The following CCBE1 variants were observed in gnomAD, a reference collection of about 807,000 sequenced individuals.
CCBE1 encodes collagen and calcium-binding EGF domain-containing protein 1.
Under a neutral mutation model 50.0 loss-of-function variants are expected in CCBE1, and 37 were observed. The ratio of observed to expected loss-of-function variants is 0.74; its 90% CI spans 0.57 to 0.97. The LOEUF (loss-of-function observed/expected upper bound fraction) is 0.97, where lower values mean the gene tolerates loss of function less well. Ranked by LOEUF, CCBE1 falls within the 50% of genes least tolerant of loss-of-function variation. CCBE1 has a pLI of 0.00. For missense variants in CCBE1, 538 were observed against 523.8 expected (o/e 1.03, Z -0.26); for synonymous variants, 234 against 203.7 (o/e 1.15, Z -1.27).
At chr18:59,667,977 G>A (rs1234414226) in intron 2 of CCBE1, among the ~76,000 whole-genome samples, 1 of 152,132 alleles carries the variant, frequency 6.6e-6, no homozygotes, top group Non-Finnish European at 1.5e-5. Context: ...GACCTATCGA[G>A]GGGTGGGGAG....
intron 2 of CCBE1, among the ~76,000 whole-genome samples, chr18:59,551,045 GAAAA>G (rs1245706285): frequency 5.7e-4 from 62 of 108,148 alleles, no homozygotes; most frequent in Admixed American, 2.2e-3. Flanking sequence ...GAAAAGAAAA[GAAAA>G]AAAAGAAAAA....
At chr18:59,692,492 C>A (rs1456979049) in intron 2 of CCBE1, among the ~76,000 whole-genome samples, 3 of 152,200 alleles carry the variant, frequency 2.0e-5, no homozygotes, top group Middle Eastern at 3.4e-3. Context: ...CCCACTCCCC[C>A]GCCATGGGAA....
chr18:59,434,685 T>C lies in CCBE1; in HGVS notation c.*1223A>G, dbSNP rs746154897. On this transcript the variant is annotated 3_prime_UTR_variant, in exon 11 of 11. Coordinates refer to ENST00000439986, the MANE Select transcript of CCBE1 (RefSeq NM_133459.4). Reference sequence around the variant, plus strand: ...AAAAGAACTGGAACTTGGACTAAATTAAAGAAAATTAAGAAAAAATGAGAA... The same window carrying C: ...AAAAGAACTGGAACTTGGACTAAATCAAAGAAAATTAAGAAAAAATGAGAA... 1.3e-5 allele frequency: 2 copies of C among 152,000 alleles called. No homozygotes were observed. Among genetic ancestry groups the C allele is most frequent in the Non-Finnish European group, 2.9e-5 (2 of 68,000 alleles). 9.4% of individuals were successfully genotyped at this position (152,000 alleles called of 1,614,324 possible).
At chr18:59,513,276 C>G (rs1388482891) in intron 2 of CCBE1, among the ~76,000 whole-genome samples, 2 of 152,010 alleles carry the variant, frequency 1.3e-5, no homozygotes, top group Non-Finnish European at 2.9e-5. Context: ...CCACTGCACT[C>G]TAACCTGGGT....
intron 2 of CCBE1, among the ~76,000 whole-genome samples, chr18:59,517,078 A>T (rs1275215462): frequency 6.6e-6 from 1 of 152,194 alleles, no homozygotes; most frequent in African/African-American, 2.4e-5. Context: ...AAGAGTGCAC[A>T]CTTCTTAGTG....
chr18:59,677,925 A>T (rs1369818228), intron 2 of CCBE1, among the ~76,000 whole-genome samples: 3 of 152,202 alleles, frequency 2.0e-5, no homozygotes, highest in East Asian at 3.8e-4. Context: ...AGATACAGTA[A>T]AAGAAAGGAA....
At chr18:59,556,381 G>T (rs775797089) in intron 2 of CCBE1, among the ~76,000 whole-genome samples, 7 of 152,162 alleles carry the variant, frequency 4.6e-5, no homozygotes, top group Admixed American at 1.3e-4. Context: ...ACTCCAATCA[G>T]CAGGACAGGG....
At chr18:59,508,310 T>G (rs1052018298) in intron 2 of CCBE1, among the ~76,000 whole-genome samples, 6 of 151,870 alleles carry the variant, frequency 4.0e-5, no homozygotes. Context: ...AATTTGAAAC[T>G]TGCCTCACTG....
intron 2 of CCBE1, among the ~76,000 whole-genome samples, chr18:59,669,827 T>C (rs148597916): frequency 1.4e-4 from 21 of 152,314 alleles, no homozygotes; most frequent in Admixed American, 2.6e-4. Flanking sequence ...AGATTAACTA[T>C]ATCTGGCTTG....
chr18:59,451,850 C>G (rs900632583), intron 6 of CCBE1, among the ~76,000 whole-genome samples: 20 of 152,160 alleles, frequency 1.3e-4, no homozygotes, highest in African/African-American at 4.8e-4. Context: ...ACTCCCAAAT[C>G]AATCCAACAG....
At chr18:59,654,723 T>C (rs7243128) in intron 2 of CCBE1, among the ~76,000 whole-genome samples, 137,828 of 149,436 alleles carry the variant, frequency 0.92, 63,519 homozygotes, top group East Asian at 0.98. Flanking sequence ...ACCCAGGAGG[T>C]GGAAGTTGCA....
rs766979643 is a variant in CCBE1 at position 59,438,184 on chromosome 18, C to T, written c.952-38G>A. ...AGGCCAGGGTTAGCTTTCTAGAGCACATGGATATCACAAGAATAGTCTCTA... is the reference window on the plus strand; with the variant it reads ...AGGCCAGGGTTAGCTTTCTAGAGCATATGGATATCACAAGAATAGTCTCTA... On this transcript the variant is annotated intron_variant, in intron 9 of 10. Transcript: ENST00000439986. 2.5e-6 allele frequency: 4 copies of T among 1,592,174 alleles called. No individual in the cohort carries two copies. The Admixed American group carries it at 5.0e-5, about 20-fold the overall frequency.
At chr18:59,466,326 G>A (rs1363298791) in intron 5 of CCBE1, among the ~76,000 whole-genome samples, 1 of 151,782 alleles carries the variant, frequency 6.6e-6, no homozygotes, top group African/African-American at 2.4e-5. Flanking sequence ...CAATACAAGG[G>A]GCAGTTCTCC....
At chr18:59,530,549 T>A (rs966618834) in intron 2 of CCBE1, among the ~76,000 whole-genome samples, 1 of 152,132 alleles carries the variant, frequency 6.6e-6, no homozygotes, top group African/African-American at 2.4e-5. Context: ...CATGCCATTA[T>A]CTCTCAGAAA....
intron 2 of CCBE1, among the ~76,000 whole-genome samples, chr18:59,514,598 G>A (rs1015781791): frequency 2.1e-5 from 3 of 143,588 alleles, no homozygotes; most frequent in African/African-American, 7.7e-5. Flanking sequence ...TTCCTTTGGG[G>A]AATTTAGGCA....
intron 2 of CCBE1, among the ~76,000 whole-genome samples, chr18:59,624,262 T>G (rs2053748912): frequency 2.0e-5 from 3 of 152,206 alleles, no homozygotes; most frequent in African/African-American, 7.2e-5. Context: ...CAATTTAGCC[T>G]CAAATTCTCT....
chr18:59,460,936 A>AAAATAAATAAATAAATAAAT (rs59182848), intron 5 of CCBE1, among the ~76,000 whole-genome samples: 441 of 141,204 alleles, frequency 3.1e-3, no homozygotes, highest in Non-Finnish European at 4.9e-3. Context: ...CTCTGTCTCA[A>AAAATAAATAAATAAATAAAT]AAATAAATAA....
chr18:59,469,535 C>G lies in CCBE1; in HGVS notation c.338G>C (p.Cys113Ser), dbSNP rs1467252790. The change falls in exon 4 of 11, where the codon TGT becomes TCT. Residue 113 changes from cysteine (C) to serine (S), a missense_variant. Physicochemically the swap from Cys to Ser is moderately radical, Grantham distance 112 (BLOSUM62 -1). Coordinates refer to ENST00000439986, the MANE Select transcript of CCBE1 (RefSeq NM_133459.4). ...TDNFGRVLCT[C>S]YPGYRYDRER... ...CCGGTCATATCGGTATCCCGGATAA[C>G]AAGTACACAGCACTCGGCCAAAGTT... 2 of 1,614,222 alleles carry G rather than the reference C, an allele frequency of 1.2e-6. No individual in the cohort carries two copies. The highest frequency in any genetic ancestry group is 1.7e-6 in the Non-Finnish European group (2 of 1,180,044).
At position 59,558,528 on chromosome 18, in the gene CCBE1, G is replaced by A. The variant is rs200757122; in HGVS notation, c.213-78290C>T. ...CTCCACTTGTTATCACAGCCATGTA[G>A]CCACAACATGGGAGGACCATCTCTT... On this transcript the variant is annotated intron_variant, in intron 2 of 10. Coordinates refer to ENST00000439986, the MANE Select transcript of CCBE1 (RefSeq NM_133459.4). 5.3e-5 allele frequency among the ~76,000 whole-genome samples: 8 copies of A among 152,324 alleles called. No homozygotes were observed. In the East Asian group the frequency reaches 1.5e-3, roughly 29 times the overall value.
Sources: allele counts gnomAD v4.1 joint callset (sites outside exome capture counted in the v4.1 genomes callset), GRCh38; gene constraint gnomAD v4.1.1; transcripts MANE v1.5; gene names NCBI Gene and HGNC (gene_info 2026-07-23, HGNC 2026-07-21).